CMTM8: variants seen among roughly 807,000 people sequenced by gnomAD.
CMTM8 encodes CKLF-like MARVEL transmembrane domain-containing protein 8.
CMTM8 carries 12 observed loss-of-function variants against 18.6 expected under a neutral mutation model. The observed-to-expected ratio is 0.65, with a 90% confidence interval of 0.41 to 1.05. The LOEUF is 1.05. CMTM8 is among the 50% of genes least tolerant of loss of function. The pLI is 0.00. For synonymous variants in CMTM8, 87 were observed against 90.6 expected (o/e 0.96, Z 0.23); for missense variants, 217 against 227.2 (o/e 0.95, Z 0.29).
At chr3:32,248,863 G>T in intron 1 of CMTM8, among the ~76,000 whole-genome samples, 1 of 151,612 alleles carries the variant, frequency 6.6e-6, no homozygotes, top group East Asian at 1.9e-4. Context: ...TAGAGACAGG[G>T]TCTTGAATTC....
At chr3:32,277,254 T>TA (rs575492913) in intron 1 of CMTM8, among the ~76,000 whole-genome samples, 97 of 152,292 alleles carry the variant, frequency 6.4e-4, no homozygotes, top group Non-Finnish European at 1.1e-3. Context: ...TTAATCCTGA[T>TA]AAAGGCTACT....
At position 32,239,029 on chromosome 3, in the gene CMTM8, C is replaced by A; in HGVS notation, c.57C>A (p.Phe19Leu). 6.3e-7 allele frequency: 1 copy of A among 1,577,168 alleles called. No homozygotes were observed. Among genetic ancestry groups the A allele is most frequent in the Non-Finnish European group, 8.6e-7 (1 of 1,162,054 alleles). ...CAGTCACCACCACCGCCAGCTCCTTCGCAGAGAACTTCTCCACCAGCAGCA... is the reference window on the plus strand; with the variant it reads ...CAGTCACCACCACCGCCAGCTCCTTAGCAGAGAACTTCTCCACCAGCAGCA... ...SHTVTTTASSFAENFSTSSSS... is the reference protein window; with the variant it reads ...SHTVTTTASSLAENFSTSSSS... Residue 19 changes from phenylalanine to leucine, a missense_variant, in exon 1 of 4, where the codon TTC becomes TTA. Phe to Leu is a conservative substitution (Grantham distance 22). Transcript: ENST00000307526.
At chr3:32,270,761 C>A (rs1702427659) in intron 1 of CMTM8, among the ~76,000 whole-genome samples, 1 of 152,160 alleles carries the variant, frequency 6.6e-6, no homozygotes, top group East Asian at 1.9e-4. Flanking sequence ...AGGAGATATA[C>A]CTGATGTAAA....
At chr3:32,331,917 A>C (rs1243533354) in intron 1 of CMTM8, among the ~76,000 whole-genome samples, 1 of 152,192 alleles carries the variant, frequency 6.6e-6, no homozygotes, top group Non-Finnish European at 1.5e-5. Flanking sequence ...GTGCATCTAC[A>C]GTTTCACTTT....
At chr3:32,277,017 T>A (rs1372008239) in intron 1 of CMTM8, among the ~76,000 whole-genome samples, 1 of 151,748 alleles carries the variant, frequency 6.6e-6, no homozygotes, top group Non-Finnish European at 1.5e-5. Flanking sequence ...CCCAATAAGC[T>A]GGGACTACAG....
intron 1 of CMTM8, among the ~76,000 whole-genome samples, chr3:32,277,059 T>C (rs1042913219): frequency 6.6e-6 from 1 of 151,490 alleles, no homozygotes; most frequent in Non-Finnish European, 1.5e-5. Flanking sequence ...TAAGTTACTA[T>C]TTTTTTTGTA....
chr3:32,263,319 G>A lies in CMTM8; in HGVS notation c.147+24200G>A, dbSNP rs147993429. Among the ~76,000 whole-genome samples, 953 of 152,304 alleles carry A rather than the reference G, an allele frequency of 6.3e-3. 8 individuals carry two copies. Among genetic ancestry groups the A allele is most frequent in the African/African-American group, 0.022 (914 of 41,558 alleles). On this transcript the variant is annotated intron_variant, in intron 1 of 3. Coordinates refer to ENST00000307526, the MANE Select transcript of CMTM8 (RefSeq NM_178868.5). ...CAATATTCGCTGTTCTGCAGCCTCC[G>A]CTGCTGATACCCAGGCAAACGGTCT... is the stretch of plus-strand genomic sequence containing the variant.
intron 1 of CMTM8, among the ~76,000 whole-genome samples, chr3:32,271,544 G>C (rs1702439027): frequency 6.6e-6 from 1 of 152,142 alleles, no homozygotes; most frequent in African/African-American, 2.4e-5. Context: ...ATTCATCATT[G>C]AGTGTTTTTT....
chr3:32,290,327 A>G (rs1251655844), intron 1 of CMTM8, among the ~76,000 whole-genome samples: 1 of 152,204 alleles, frequency 6.6e-6, no homozygotes, highest in Non-Finnish European at 1.5e-5. Flanking sequence ...AAACCTAGAA[A>G]CTTCATTGAA....
intron 1 of CMTM8, among the ~76,000 whole-genome samples, chr3:32,345,078 G>A (rs150849267): frequency 1.0e-3 from 157 of 152,210 alleles, no homozygotes; most frequent in African/African-American, 3.6e-3. Flanking sequence ...GGTGGCTCAC[G>A]CCTGTAATCC....
intron 1 of CMTM8, among the ~76,000 whole-genome samples, chr3:32,325,947 G>C (rs1486449268): frequency 2.0e-5 from 3 of 152,212 alleles, no homozygotes; most frequent in African/African-American, 4.8e-5. Flanking sequence ...AGTGCTGTCA[G>C]TGGCTTCAAC....
chr3:32,334,765 C>T (rs1284580361), intron 1 of CMTM8, among the ~76,000 whole-genome samples: 1 of 152,102 alleles, frequency 6.6e-6, no homozygotes, highest in African/African-American at 2.4e-5. Flanking sequence ...TTTCTTTATA[C>T]TTAAAGTTCA....
chr3:32,301,157 C>G (rs1255601103), intron 1 of CMTM8, among the ~76,000 whole-genome samples: 1 of 151,980 alleles, frequency 6.6e-6, no homozygotes, highest in Non-Finnish European at 1.5e-5. Context: ...AGGACATTAA[C>G]CCGGTTTGTT....
At chr3:32,261,731 A>G (rs1408706607) in intron 1 of CMTM8, among the ~76,000 whole-genome samples, 1 of 152,114 alleles carries the variant, frequency 6.6e-6, no homozygotes, top group Non-Finnish European at 1.5e-5. Flanking sequence ...CCATGATTTG[A>G]GGAAACAGTT....
intron 1 of CMTM8, among the ~76,000 whole-genome samples, chr3:32,309,774 T>C (rs1027592334): frequency 6.6e-6 from 1 of 152,240 alleles, no homozygotes; most frequent in African/African-American, 2.4e-5. Context: ...CAGATGTTCA[T>C]ACCCTGTGTT....
At chr3:32,354,357 T>A (rs908645716) in intron 1 of CMTM8, among the ~76,000 whole-genome samples, 1 of 152,138 alleles carries the variant, frequency 6.6e-6, no homozygotes, top group African/African-American at 2.4e-5. Context: ...GAAATTCACT[T>A]GGGTAGAACA....
chr3:32,335,194 G>T (rs1051411863), intron 1 of CMTM8, among the ~76,000 whole-genome samples: 1 of 152,194 alleles, frequency 6.6e-6, no homozygotes, highest in East Asian at 1.9e-4. Context: ...GTCTCCAGGG[G>T]TACCAGTGGG....
intron 1 of CMTM8, among the ~76,000 whole-genome samples, chr3:32,250,466 A>T (rs1238752877): frequency 6.6e-6 from 1 of 152,212 alleles, no homozygotes; most frequent in Non-Finnish European, 1.5e-5. Flanking sequence ...TCTATAGATC[A>T]ATTTGGTGAG....
chr3:32,274,960 G>C (rs1286895282), intron 1 of CMTM8, among the ~76,000 whole-genome samples: 1 of 152,186 alleles, frequency 6.6e-6, no homozygotes, highest in Non-Finnish European at 1.5e-5. Context: ...ACATCAAGGG[G>C]CTTGGGATGT....
Sources: allele counts gnomAD v4.1 joint callset (sites outside exome capture counted in the v4.1 genomes callset), GRCh38; gene constraint gnomAD v4.1.1; transcripts MANE v1.5; gene names NCBI Gene and HGNC (gene_info 2026-07-23, HGNC 2026-07-21).